Variants in RBM39 observed in about 807,000 individuals in gnomAD.
The protein encoded by RBM39 is RNA binding motif protein 39.
Under a neutral mutation model 79.6 loss-of-function variants are expected in RBM39, and 12 were observed. That is an observed-to-expected ratio of 0.15 (90% CI 0.10 to 0.24). RBM39 has a LOEUF of 0.24. Among genes scored for constraint, RBM39 ranks in the 10% least tolerant of loss-of-function variants. RBM39 has a pLI of 1.00. For missense variants in RBM39, 243 were observed against 653.4 expected (o/e 0.37, Z 6.85); for synonymous variants, 185 against 208.4 (o/e 0.89, Z 0.97).
intron 3 of RBM39, chr20:35,732,347 G>A: frequency 1.7e-6 from 1 of 572,278 alleles, no homozygotes; most frequent in South Asian, 2.1e-5. Flanking sequence ...CACAAGGTCA[G>A]GAGTTCAAGA....
At chr20:35,739,098 A>G (rs1023895338) in intron 2 of RBM39, 81 bp from the exon 3 acceptor site, 2 of 1,151,612 alleles carry the variant, frequency 1.7e-6, no homozygotes, top group Non-Finnish European at 2.6e-6. Context: ...GAACAGGAAT[A>G]AGAAAATACA....
At chr20:35,709,725 AAC>A (rs2036162385) in intron 12 of RBM39, among the ~76,000 whole-genome samples, 2 of 152,214 alleles carry the variant, frequency 1.3e-5, no homozygotes, top group Admixed American at 6.5e-5. Flanking sequence ...AAAAAGCTGT[AAC>A]AGTTTCCATG....
In RBM39 at chr20:35,715,456, G is replaced by A. The variant is rs1281468402; in HGVS notation, c.892-1067C>T. 3.9e-5 allele frequency among the ~76,000 whole-genome samples: 6 copies of A among 152,042 alleles called. No homozygotes were observed. In the East Asian group the frequency reaches 5.8e-4, roughly 15 times the overall value. ...CTCCCAAAGTGCTGGCATCACAGGC[G>A]TGAGCCACCACACACAGCCCAAAAA... On this transcript the variant is annotated intron_variant, in intron 10 of 16. Transcript: ENST00000253363.
chr20:35,724,131 A>G (rs1159783936), intron 8 of RBM39, among the ~76,000 whole-genome samples: 1 of 152,090 alleles, frequency 6.6e-6, no homozygotes, highest in Non-Finnish European at 1.5e-5. Context: ...CAGGAGTTCA[A>G]TACTAGCCTG....
In RBM39 at chr20:35,707,897, C is replaced by T. The variant is rs766851426; in HGVS notation, c.1226-696G>A. On this transcript the variant is annotated intron_variant, in intron 13 of 16. Transcript: ENST00000253363. ...CAAGACAGTTGCTCCAATGCTTTCA[C>T]GTGATTTACAAAAATATTACCAGTA... is the stretch of plus-strand genomic sequence containing the variant. 6.2e-5 allele frequency: 29 copies of T among 465,436 alleles called. 1 individual carries two copies. The highest frequency in any genetic ancestry group is 3.6e-4 in the South Asian group (23 of 63,766). The allele number at this position is 465,436 out of a possible 1,614,324, so 28.8% of individuals were successfully genotyped here. A position where few individuals can be genotyped will look rare whatever the true frequency, so the allele number is the denominator to read the frequency against.
At chr20:35,733,524 G>A (rs1052727755) in intron 3 of RBM39, among the ~76,000 whole-genome samples, 1 of 151,944 alleles carries the variant, frequency 6.6e-6, no homozygotes, top group Non-Finnish European at 1.5e-5. Flanking sequence ...CAGGAGAATC[G>A]CTTGAACCTG....
At chr20:35,714,617 G>A (rs1600436033) in intron 10 of RBM39, among the ~76,000 whole-genome samples, 1 of 152,230 alleles carries the variant, frequency 6.6e-6, no homozygotes, top group East Asian at 1.9e-4. Context: ...TACAAGTAAT[G>A]ACAGCTTTAT....
At chr20:35,729,597 T>A in intron 4 of RBM39, 70 bp from the exon 5 acceptor site, 6 of 1,366,452 alleles carry the variant, frequency 4.4e-6, no homozygotes. Flanking sequence ...TCATGCGCTC[T>A]CCAGCAAGAC....
intron 4 of RBM39, among the ~76,000 whole-genome samples, chr20:35,731,196 A>T (rs17093027): frequency 0.1 from 15,920 of 152,196 alleles, 862 homozygotes; most frequent in South Asian, 0.14. Context: ...AGTTTACAGC[A>T]CTGTGTTTAT....
rs1165674956 is a variant in RBM39, at chr20:35,707,141, G to A, written c.1286C>T (p.Ser429Phe). Residue 429 changes from serine to phenylalanine, a missense_variant, in exon 14 of 17, where the codon TCT (serine) becomes TTT (phenylalanine). Physicochemically the swap from Ser to Phe is radical, Grantham distance 155 (BLOSUM62 -2). Around this residue, in one of 4 missense-constraint regions of RBM39, gnomAD observed 48 missense variants for 130.2 expected, o/e 0.37. Coordinates refer to ENST00000253363, the MANE Select transcript of RBM39 (RefSeq NM_184234.3). ...QPLATQCFQLSNMFNPQTEEE... is the reference protein window; with the variant it reads ...QPLATQCFQLFNMFNPQTEEE... ...TTACGTTTGAGGGTTAAACATGTTAGAGAGTTGGAAACATTGTGTTGCAAG... is the reference window on the plus strand; with the variant it reads ...TTACGTTTGAGGGTTAAACATGTTAAAGAGTTGGAAACATTGTGTTGCAAG... 2.5e-6 allele frequency: 4 copies of A among 1,600,864 alleles called. No homozygotes were observed. In the African/African-American group the frequency reaches 5.4e-5, roughly 22 times the overall value.
rs1405188062 is a variant in RBM39, at chr20:35,703,670, CATTT to C, written c.*807_*810del. The C allele has an allele frequency of 1.3e-5, 2 of 152,584 alleles. No individual in the cohort carries two copies. Among genetic ancestry groups the C allele is most frequent in the African/African-American group, 4.8e-5 (2 of 41,416 alleles). The allele number at this position is 152,584 out of a possible 1,614,324, so 9.5% of individuals were successfully genotyped here. ...ACAAAGATTGTTGCAATATGAAAGT[CATTT>C]GTTTGATAGAAATATCAAGCTGTCT... On this transcript the variant is annotated 3_prime_UTR_variant, in exon 17 of 17. Coordinates refer to ENST00000253363, the MANE Select transcript of RBM39 (RefSeq NM_184234.3).
Position 35,734,479 on chromosome 20 carries a change from A to T in RBM39, c.102-2344T>A, listed in dbSNP as rs1158359450. The T allele has an allele frequency of 1.3e-5, 3 of 230,880 alleles. No homozygotes were observed. In the East Asian group the frequency reaches 3.3e-4, roughly 26 times the overall value. 14.3% of individuals were successfully genotyped at this position (230,880 alleles called of 1,614,324 possible). On this transcript the variant is annotated intron_variant, in intron 3 of 16. Transcript: ENST00000253363. ...GAGATTTCTAAAACCAAAAGTCCTA[A>T]ATATATTCAATTAGGGAACAAGGTA...
chr20:35,730,231 A>G (rs1160477996), intron 4 of RBM39, among the ~76,000 whole-genome samples: 2 of 152,242 alleles, frequency 1.3e-5, no homozygotes, highest in African/African-American at 2.4e-5. Context: ...GTGTTTTCAC[A>G]AAGATCATAA....
intron 8 of RBM39, among the ~76,000 whole-genome samples, chr20:35,723,606 T>C (rs2038272539): frequency 6.6e-6 from 1 of 152,160 alleles, no homozygotes; most frequent in Admixed American, 6.5e-5. Context: ...GCCCAGCTAA[T>C]TTTTGCATTT....
At chr20:35,729,013 T>C (rs1286000014) in intron 6 of RBM39, among the ~76,000 whole-genome samples, 2 of 151,818 alleles carry the variant, frequency 1.3e-5, no homozygotes, top group African/African-American at 4.8e-5. Flanking sequence ...GAGGCGGAGG[T>C]TGCAGTAAGC....
In RBM39 at chr20:35,721,825, G is replaced by T; in HGVS notation, c.740C>A (p.Ala247Asp). The change falls in exon 9 of 17, where the codon GCT becomes GAT. Residue 247 changes from alanine to aspartate, a missense_variant. Ala to Asp is a moderately radical substitution (Grantham distance 126, BLOSUM62 -2). Coordinates refer to ENST00000253363, the MANE Select transcript of RBM39 (RefSeq NM_184234.3). ...GCCCACATAAAGCCTCATAGGTCCA[G>T]CACTTCCCTTTTGTAAATTGTTTGC... ...AMANNLQKGS[A>D]GPMRLYVGSL... 1 of 1,613,934 alleles carries T rather than the reference G, an allele frequency of 6.2e-7. No individual in the cohort carries two copies. The highest frequency in any genetic ancestry group is 8.5e-7 in the Non-Finnish European group (1 of 1,179,866).
chr20:35,706,165 CCT>C (rs1478701915), intron 14 of RBM39, among the ~76,000 whole-genome samples: 1 of 152,146 alleles, frequency 6.6e-6, no homozygotes, highest in African/African-American at 2.4e-5. Flanking sequence ...ACGGCAAAAC[CCT>C]GTCTCTACTA....
At chr20:35,716,710 C>G in intron 10 of RBM39, 30 bp downstream of exon 10, 1 of 1,340,996 alleles carries the variant, frequency 7.5e-7, no homozygotes, top group South Asian at 1.3e-5. Flanking sequence ...AAAAAAAACC[C>G]TAAGTAATAT....
intron 10 of RBM39, among the ~76,000 whole-genome samples, chr20:35,715,557 C>T (rs1295429587): frequency 1.3e-5 from 2 of 152,144 alleles, no homozygotes; most frequent in African/African-American, 2.4e-5. Context: ...AAAAAAGAAT[C>T]GTTAACAGAC....
Sources: allele counts gnomAD v4.1 joint callset (sites outside exome capture counted in the v4.1 genomes callset), GRCh38; gene constraint gnomAD v4.1.1; regional missense constraint gnomAD v4.1.1; transcripts MANE v1.5; gene names NCBI Gene and HGNC (gene_info 2026-07-23, HGNC 2026-07-21).